SMAP2: variants seen among roughly 807,000 people sequenced by gnomAD.
The protein encoded by SMAP2 is stromal membrane-associated protein 2.
SMAP2 carries 25 observed loss-of-function variants against 56.4 expected under a neutral mutation model. That is an observed-to-expected ratio of 0.44 (90% CI 0.32 to 0.62). The LOEUF is 0.62. SMAP2 is among the 20% of genes least tolerant of loss of function. SMAP2 has a pLI of 0.04. For synonymous variants in SMAP2, 157 were observed against 181.7 expected, an observed-to-expected ratio of 0.86 and a Z score of 1.09; for missense variants, 388 against 545.6, an observed-to-expected ratio of 0.71 and a Z score of 2.88.
At position 40,345,883 on chromosome 1, in the gene SMAP2, G is replaced by GTATTATATTATATTA. The variant is rs1329394751; in HGVS notation, c.-83+977_-83+978insATATTATATTATATT. Among the ~76,000 whole-genome samples the GTATTATATTATATTA allele has an allele frequency of 1.0e-4, 6 of 58,648 alleles. No individual in the cohort carries two copies. The East Asian group carries it at 1.3e-3, about 12-fold the overall frequency. 38.5% of individuals were successfully genotyped at this position (58,648 alleles called of 152,430 possible). On this transcript the variant is annotated intron_variant, in intron 1 of 6. Coordinates refer to the SMAP2 transcript ENST00000435168. ...ATATTATATTATATTGTATTATATT[G>GTATTATATTATATTA]TATTGTATTATATTATATTATATTA...
At chr1:40,360,280 A>G (rs1644454408) in intron 1 of SMAP2, among the ~76,000 whole-genome samples, 1 of 149,272 alleles carries the variant, frequency 6.7e-6, no homozygotes. Flanking sequence ...TGCTGGGATT[A>G]CAGGCGTGAG....
At chr1:40,366,078 G>A (rs1370893530) in intron 2 of SMAP2, among the ~76,000 whole-genome samples, 5 of 150,882 alleles carry the variant, frequency 3.3e-5, no homozygotes, top group African/African-American at 9.8e-5. Flanking sequence ...GAGCCGATGC[G>A]ATCAACTGGA....
At chr1:40,401,359 G>T (rs2124318105) in intron 1 of SMAP2, among the ~76,000 whole-genome samples, 1 of 152,318 alleles carries the variant, frequency 6.6e-6, no homozygotes, top group African/African-American at 2.4e-5. Flanking sequence ...TTCCAAGATA[G>T]ATTCCACAGG....
intron 7 of SMAP2, among the ~76,000 whole-genome samples, chr1:40,415,716 CG>C (rs1644980663): frequency 6.6e-6 from 1 of 152,164 alleles, no homozygotes; most frequent in Non-Finnish European, 1.5e-5. Flanking sequence ...GGCTACCATT[CG>C]TGAAACGCCT....
At chr1:40,388,858 GC>G (rs1644688191) in intron 1 of SMAP2, among the ~76,000 whole-genome samples, 1 of 152,092 alleles carries the variant, frequency 6.6e-6, no homozygotes, top group Non-Finnish European at 1.5e-5. Flanking sequence ...AACACTCACC[GC>G]GAAGGTCTGC....
chr1:40,386,235 T>G lies in SMAP2; in HGVS notation c.103+12012T>G, dbSNP rs1644653248. On this transcript the variant is annotated intron_variant, in intron 1 of 9. Coordinates refer to ENST00000372718, the MANE Select transcript of SMAP2 (RefSeq NM_022733.3). This position sits in a 1 kb window ranked among gnomAD's most constrained non-coding sequence, Gnocchi z 4.1. ...ACAGCTGATTTGAGAAAGAATGAAT[T>G]AAGAGATTCAGGCTCTTCTGCTATG... is the stretch of plus-strand genomic sequence containing the variant. Among the ~76,000 whole-genome samples the G allele has an allele frequency of 6.6e-6, 1 of 152,196 alleles. No homozygotes were observed. Among genetic ancestry groups the G allele is most frequent in the South Asian group, 2.1e-4 (1 of 4,832 alleles).
chr1:40,382,513 C>T (rs1213397114), intron 1 of SMAP2, among the ~76,000 whole-genome samples: 1 of 152,142 alleles, frequency 6.6e-6, no homozygotes, highest in African/African-American at 2.4e-5. Context: ...TGCTTAAATC[C>T]TTACCACAGT....
At chr1:40,390,277 A>G (rs1644703726) in intron 1 of SMAP2, among the ~76,000 whole-genome samples, 1 of 152,236 alleles carries the variant, frequency 6.6e-6, no homozygotes, top group South Asian at 2.1e-4. Flanking sequence ...GTTGTGATTC[A>G]GTGAAACTGG....
upstream of SMAP2, among the ~76,000 whole-genome samples, chr1:40,372,863 T>TA (rs1371897071): frequency 6.6e-6 from 1 of 152,164 alleles, no homozygotes; most frequent in African/African-American, 2.4e-5. Flanking sequence ...AATTTCTCAG[T>TA]AACATCGTGC....
At chr1:40,351,861 C>T (rs1230768036) in intron 1 of SMAP2, among the ~76,000 whole-genome samples, 1 of 151,932 alleles carries the variant, frequency 6.6e-6, no homozygotes, top group Non-Finnish European at 1.5e-5. Flanking sequence ...TGGTCTCGAA[C>T]TCTTGGCCTC....
At chr1:40,381,833 G>T (rs973056290) in intron 1 of SMAP2, among the ~76,000 whole-genome samples, 1 of 152,190 alleles carries the variant, frequency 6.6e-6, no homozygotes, top group African/African-American at 2.4e-5. Context: ...TCTGAGCATG[G>T]TGCCGATTAA....
intron 1 of SMAP2, among the ~76,000 whole-genome samples, chr1:40,354,921 T>G (rs1644428549): frequency 6.6e-6 from 1 of 151,230 alleles, no homozygotes; most frequent in African/African-American, 2.4e-5. Context: ...GTAGCTGGGA[T>G]TATAGGCACC....
chr1:40,354,872 C>T (rs1449101514), intron 1 of SMAP2, among the ~76,000 whole-genome samples: 1 of 147,516 alleles, frequency 6.8e-6, no homozygotes, highest in African/African-American at 2.5e-5. Context: ...CAACCTCCAC[C>T]TCCCGGGTTC....
intron 1 of SMAP2, among the ~76,000 whole-genome samples, chr1:40,394,724 T>A (rs1054301427): frequency 7.9e-5 from 12 of 152,114 alleles, no homozygotes; most frequent in African/African-American, 2.9e-4. Context: ...CAGGACCAAC[T>A]GGAAAGAATT....
intron 1 of SMAP2, among the ~76,000 whole-genome samples, chr1:40,399,711 AAAAG>A (rs1426403306): frequency 1.2e-4 from 11 of 89,924 alleles, no homozygotes; most frequent in Non-Finnish European, 2.1e-4. Flanking sequence ...CAAAAAAAAA[AAAAG>A]AAAAGAAAAG....
In SMAP2 at chr1:40,374,064, G is replaced by A; in HGVS notation, c.-57G>A. The A allele has an allele frequency of 7.2e-7, 1 of 1,384,366 alleles. No homozygotes were observed. Among genetic ancestry groups the A allele is most frequent in the East Asian group, 2.4e-5 (1 of 41,894 alleles). 85.8% of individuals were successfully genotyped at this position (1,384,366 alleles called of 1,614,324 possible). ...GAGTCCTCAACCCCGGACTGAGGCA[G>A]GGGTCTCTGGGGGCGAGGAGGGCGC... is the stretch of plus-strand genomic sequence containing the variant. On this transcript the variant is annotated 5_prime_UTR_variant, in exon 1 of 10. Coordinates refer to ENST00000372718, the MANE Select transcript of SMAP2 (RefSeq NM_022733.3). The surrounding 1 kb of genome is among the most constrained non-coding windows in gnomAD (Gnocchi z 5.9).
At chr1:40,376,702 T>G (rs982253022) in intron 1 of SMAP2, among the ~76,000 whole-genome samples, 3 of 152,172 alleles carry the variant, frequency 2.0e-5, no homozygotes, top group Non-Finnish European at 4.4e-5. Context: ...ATACATTTCA[T>G]TGGAGGAGGA....
chr1:40,377,812 T>G (rs1644555023), intron 1 of SMAP2, among the ~76,000 whole-genome samples: 1 of 152,210 alleles, frequency 6.6e-6, no homozygotes, highest in African/African-American at 2.4e-5. Context: ...AACTGGACAC[T>G]ATCTTATTTA....
chr1:40,402,443 G>A (rs1237388418), intron 1 of SMAP2, among the ~76,000 whole-genome samples: 1 of 151,508 alleles, frequency 6.6e-6, no homozygotes, highest in East Asian at 1.9e-4. Context: ...TCTTCTAACT[G>A]TATTTTTGTA....
Sources: gnomAD v4.1 joint callset for allele counts (sites outside exome capture counted in the v4.1 genomes callset) on GRCh38, gnomAD v4.1.1 for gene constraint, Gnocchi (gnomAD v3.1) non-coding constraint, MANE v1.5 for transcripts, NCBI Gene and HGNC (gene_info 2026-07-23, HGNC 2026-07-21) for gene names.